Variants in RNF157 observed in about 807,000 individuals in gnomAD.
RNF157 encodes the protein ring finger protein 157, also known as E3 ubiquitin ligase RNF157.
In RNF157, 55 loss-of-function variants were observed where a neutral mutation model predicts 88.3. The ratio of observed to expected loss-of-function variants is 0.62; its 90% CI spans 0.50 to 0.78. RNF157 has a LOEUF of 0.78. Ranked by LOEUF, RNF157 falls within the 30% of genes least tolerant of loss-of-function variation. RNF157 has a pLI of 0.00. For missense variants in RNF157, 788 were observed against 860.8 expected, an observed-to-expected ratio of 0.92 and a Z score of 1.06; for synonymous variants, 334 against 341.2, an observed-to-expected ratio of 0.98 and a Z score of 0.23.
chr17:76,159,019 G>C (rs548469024), intron 12 of RNF157, among the ~76,000 whole-genome samples: 12 of 152,244 alleles, frequency 7.9e-5, no homozygotes, highest in African/African-American at 2.6e-4. Flanking sequence ...TCAGTCTTCG[G>C]ACTAAGCAAT....
chr17:76,147,366 A>G (rs1472229097), intron 18 of RNF157: 9 of 986,826 alleles, frequency 9.1e-6, no homozygotes, highest in East Asian at 1.1e-4. Context: ...ACACACATGC[A>G]TGCACAAATA....
chr17:76,219,165 A>G (rs2069939752), intron 1 of RNF157, among the ~76,000 whole-genome samples: 1 of 152,030 alleles, frequency 6.6e-6, no homozygotes, highest in African/African-American at 2.4e-5. Context: ...ACAGACAAAA[A>G]TAATAATAAT....
intron 8 of RNF157, 152 bp downstream of exon 8, chr17:76,164,591 TTTTTC>T (rs1222195568): frequency 4.0e-6 from 2 of 494,124 alleles, no homozygotes; most frequent in South Asian, 3.7e-5. Context: ...GCACTCCCTT[TTTTTC>T]TTTTCTTCTT....
At chr17:76,190,170 C>CTTTTT (rs71161273) in intron 2 of RNF157, among the ~76,000 whole-genome samples, 1 of 123,568 alleles carries the variant, frequency 8.1e-6, no homozygotes, top group African/African-American at 2.7e-5. Context: ...CTTGCTCTCT[C>CTTTTT]TTTTTTTTTT....
intron 18 of RNF157, chr17:76,147,544 G>T (rs184395180): frequency 6.5e-6 from 1 of 154,720 alleles, no homozygotes; most frequent in African/African-American, 2.4e-5. Context: ...GCAGAACATC[G>T]GTTACTTGTG....
At position 76,145,117 on chromosome 17, in the gene RNF157, C is replaced by T. The variant is rs139649300; in HGVS notation, c.*118G>A. On this transcript the variant is annotated 3_prime_UTR_variant, in exon 19 of 19. Transcript: ENST00000269391. ...GGATTGTGGTTACAGGTTGTAACAG[C>T]TGTCACAGGAGGGTAAAAAGTCTCC... The T allele has an allele frequency of 2.8e-3, 1,804 of 639,258 alleles. 17 individuals are homozygous for T. Among genetic ancestry groups the T allele is most frequent in the South Asian group, 0.011 (560 of 49,566 alleles). 39.6% of individuals were successfully genotyped at this position (639,258 alleles called of 1,614,324 possible).
chr17:76,198,320 A>T (rs1260403329), intron 2 of RNF157, among the ~76,000 whole-genome samples: 1 of 152,128 alleles, frequency 6.6e-6, no homozygotes, highest in East Asian at 1.9e-4. Context: ...CCTTGGCAAG[A>T]GCCTTGGATC....
At chr17:76,149,095 A>C (rs555053434) in intron 18 of RNF157, among the ~76,000 whole-genome samples, 2 of 152,172 alleles carry the variant, frequency 1.3e-5, no homozygotes, top group African/African-American at 4.8e-5. Context: ...ACTACTCCCC[A>C]GTGAAAAACC....
intron 1 of RNF157, among the ~76,000 whole-genome samples, chr17:76,227,628 A>C (rs2070115552): frequency 6.6e-6 from 1 of 151,904 alleles, no homozygotes; most frequent in African/African-American, 2.4e-5. Flanking sequence ...CTGTAATCCC[A>C]GCAGTTTGGG....
intron 1 of RNF157, chr17:76,226,436 G>C: frequency 6.3e-7 from 1 of 1,597,912 alleles, no homozygotes; most frequent in Non-Finnish European, 8.6e-7. Context: ...GACTAGGGGG[G>C]CAAAGAGATT....
At chr17:76,190,864 T>C (rs886222424) in intron 2 of RNF157, among the ~76,000 whole-genome samples, 42 of 150,612 alleles carry the variant, frequency 2.8e-4, no homozygotes, top group African/African-American at 8.3e-4. Context: ...GCCGAGATCG[T>C]GCCACTGCAC....
At position 76,156,377 on chromosome 17, in the gene RNF157, T is replaced by C. The variant is rs993844294; in HGVS notation, c.1414-56A>G. On this transcript the variant is annotated intron_variant, in intron 13 of 18. Coordinates refer to ENST00000269391, the MANE Select transcript of RNF157 (RefSeq NM_052916.3). ...TGGAGCAAGCGCCAGTCACCTGTGC[T>C]GGAGGAAGGGGTCAGGGCGGAGGTC... is the stretch of plus-strand genomic sequence containing the variant. 9 of 1,611,058 alleles carry C rather than the reference T, an allele frequency of 5.6e-6. No homozygotes were observed. The African/African-American group carries it at 8.0e-5, about 14-fold the overall frequency.
At chr17:76,196,606 G>A (rs1172015898) in intron 2 of RNF157, among the ~76,000 whole-genome samples, 2 of 152,168 alleles carry the variant, frequency 1.3e-5, no homozygotes, top group East Asian at 1.9e-4. Context: ...AGCAAGGGCC[G>A]AAGTATGTAC....
intron 1 of RNF157, among the ~76,000 whole-genome samples, chr17:76,238,683 A>G (rs539542198): frequency 6.6e-6 from 1 of 152,354 alleles, no homozygotes; most frequent in South Asian, 2.1e-4. Context: ...GTGGTTTAAG[A>G]AAAACAGAGC....
intron 5 of RNF157, 138 bp downstream of exon 5, chr17:76,166,871 A>C (rs763921410): frequency 3.0e-6 from 2 of 664,682 alleles, no homozygotes; most frequent in Non-Finnish European, 5.3e-6. Context: ...CTTTAAAAGG[A>C]CATGATGAAG....
At chr17:76,234,591 A>G (rs1198806468) in intron 1 of RNF157, among the ~76,000 whole-genome samples, 2 of 152,130 alleles carry the variant, frequency 1.3e-5, no homozygotes, top group African/African-American at 2.4e-5. Context: ...ATCTAATTGT[A>G]GTTTTGATTT....
intron 2 of RNF157, among the ~76,000 whole-genome samples, chr17:76,191,205 G>T (rs1192146439): frequency 1.3e-5 from 2 of 152,112 alleles, no homozygotes; most frequent in Non-Finnish European, 2.9e-5. Context: ...GCTGGGTGTG[G>T]TGGCTTATGC....
In RNF157 at chr17:76,240,321, C is replaced by G. The variant is rs1336270609; in HGVS notation, c.-81G>C. 1.5e-6 allele frequency: 1 copy of G among 664,682 alleles called. No individual in the cohort carries two copies. The highest frequency in any genetic ancestry group is 1.9e-6 in the Non-Finnish European group (1 of 539,614). The allele number at this position is 664,682 out of a possible 1,614,324, so 41.2% of individuals were successfully genotyped here. On this transcript the variant is annotated 5_prime_UTR_variant, in exon 1 of 19. Coordinates refer to ENST00000269391, the MANE Select transcript of RNF157 (RefSeq NM_052916.3). This position sits in a 1 kb window ranked among gnomAD's most constrained non-coding sequence, Gnocchi z 4.4. ...TTCACCGCGGCCGCCCGCCCCGCGC[C>G]CGGTGCGGGGGCCGACTGCCCGCCG...
intron 1 of RNF157, among the ~76,000 whole-genome samples, chr17:76,229,702 A>G (rs896896725): frequency 2.0e-5 from 3 of 152,192 alleles, no homozygotes; most frequent in African/African-American, 7.2e-5. Flanking sequence ...GGAAGGCACT[A>G]TCTTTTTGGA....
Sources: allele counts gnomAD v4.1 joint callset (sites outside exome capture counted in the v4.1 genomes callset), GRCh38; gene constraint gnomAD v4.1.1; non-coding constraint Gnocchi (gnomAD v3.1); transcripts MANE v1.5; gene names NCBI Gene and HGNC (gene_info 2026-07-23, HGNC 2026-07-21).